KCNMA1: variants seen among roughly 807,000 people sequenced by gnomAD.
The protein encoded by KCNMA1 is Calcium-activated potassium channel subunit alpha-1.
A neutral mutation model predicts 140.0 loss-of-function variants in KCNMA1; 29 were observed. The ratio of observed to expected loss-of-function variants is 0.21; its 90% CI spans 0.15 to 0.28. The LOEUF (loss-of-function observed/expected upper bound fraction) is 0.28, where lower values mean the gene tolerates loss of function less well. Ranked by LOEUF, KCNMA1 falls within the 10% of genes least tolerant of loss-of-function variation. KCNMA1 has a pLI of 1.00. For synonymous variants in KCNMA1, 612 were observed against 611.9 expected (o/e 1.00, Z 0.00); for missense variants, 880 against 1,602.2 (o/e 0.55, Z 7.70).
chr10:77,328,851 GT>G (rs552151946), intron 2 of KCNMA1, among the ~76,000 whole-genome samples: 15 of 151,866 alleles, frequency 9.9e-5, no homozygotes, highest in African/African-American at 3.1e-4. Flanking sequence ...GTTTTATTTT[GT>G]TTTTTTAAGA....
chr10:77,215,749 T>C (rs1315832863), intron 3 of KCNMA1, among the ~76,000 whole-genome samples: 1 of 152,170 alleles, frequency 6.6e-6, no homozygotes, highest in East Asian at 1.9e-4. Context: ...TTATGGCATT[T>C]GGAGGTGGAG....
intron 2 of KCNMA1, among the ~76,000 whole-genome samples, chr10:77,403,639 T>C (rs2096360759): frequency 6.6e-6 from 1 of 152,110 alleles, no homozygotes; most frequent in Non-Finnish European, 1.5e-5. Flanking sequence ...CCAACAACCC[T>C]TCTCCACTGC....
At chr10:77,148,498 C>T (rs1459844096) in intron 5 of KCNMA1, among the ~76,000 whole-genome samples, 2 of 150,500 alleles carry the variant, frequency 1.3e-5, no homozygotes, top group Non-Finnish European at 2.9e-5. Context: ...TTCTGATGCT[C>T]AACATTAATT....
chr10:77,358,692 C>T (rs908708656), intron 2 of KCNMA1, among the ~76,000 whole-genome samples: 8 of 152,212 alleles, frequency 5.3e-5, no homozygotes, highest in African/African-American at 1.9e-4. Flanking sequence ...TCCACAAACA[C>T]CATTCAGGAT....
intron 5 of KCNMA1, among the ~76,000 whole-genome samples, chr10:77,131,502 TATG>T (rs2097856592): frequency 6.6e-6 from 1 of 152,108 alleles, no homozygotes; most frequent in Admixed American, 6.5e-5. Flanking sequence ...AACCCAGTTA[TATG>T]AAGTTCAAAA....
intron 19 of KCNMA1, among the ~76,000 whole-genome samples, chr10:76,998,837 G>A (rs1384557143): frequency 6.6e-6 from 1 of 152,182 alleles, no homozygotes; most frequent in Non-Finnish European, 1.5e-5. Context: ...TGGAGAAGAA[G>A]GGCTTATGCA....
intron 1 of KCNMA1, among the ~76,000 whole-genome samples, chr10:77,516,078 T>A (rs574960691): frequency 6.6e-6 from 1 of 152,220 alleles, no homozygotes; most frequent in East Asian, 1.9e-4. Flanking sequence ...ATGCGAAGGG[T>A]GCATAAGGCC....
chr10:77,104,265 G>A (rs1475605574), intron 9 of KCNMA1, among the ~76,000 whole-genome samples: 1 of 152,200 alleles, frequency 6.6e-6, no homozygotes, highest in Non-Finnish European at 1.5e-5. Flanking sequence ...CAGGAAGTGT[G>A]TGGCACTCCT....
intron 1 of KCNMA1, among the ~76,000 whole-genome samples, chr10:77,474,833 G>C (rs2098243169): frequency 6.6e-6 from 1 of 152,110 alleles, no homozygotes; most frequent in Non-Finnish European, 1.5e-5. Flanking sequence ...TCAGTCTTGG[G>C]AACTATTCAA....
chr10:77,539,063 G>A (rs2059575102), intron 1 of KCNMA1, among the ~76,000 whole-genome samples: 3 of 152,104 alleles, frequency 2.0e-5, no homozygotes, highest in Admixed American at 1.3e-4. Context: ...GTTGGTCCGG[G>A]AGGACCCTAG....
intron 19 of KCNMA1, among the ~76,000 whole-genome samples, chr10:76,972,093 C>G (rs1170357089): frequency 6.6e-6 from 1 of 152,146 alleles, no homozygotes; most frequent in Non-Finnish European, 1.5e-5. Context: ...ATATGGGCCA[C>G]TTGCAATTGG....
intron 9 of KCNMA1, among the ~76,000 whole-genome samples, chr10:77,099,260 T>C (rs564921872): frequency 2.2e-4 from 34 of 152,262 alleles, no homozygotes; most frequent in Non-Finnish European, 4.1e-4. Flanking sequence ...TGGTGAATCA[T>C]GTATCATGGT....
At chr10:77,245,089 A>C (rs77481312) in intron 3 of KCNMA1, among the ~76,000 whole-genome samples, 2 of 152,084 alleles carry the variant, frequency 1.3e-5, no homozygotes, top group Non-Finnish European at 1.5e-5. Context: ...AAAAAAAAAA[A>C]CAGGGAGGTG....
chr10:77,154,039 A>G (rs561706813), intron 5 of KCNMA1, among the ~76,000 whole-genome samples: 3 of 152,292 alleles, frequency 2.0e-5, no homozygotes, highest in African/African-American at 7.2e-5. Context: ...CAAGGGTGGG[A>G]CCAGGTGGAG....
chr10:77,386,500 A>G (rs1039604762), intron 2 of KCNMA1, among the ~76,000 whole-genome samples: 1 of 152,174 alleles, frequency 6.6e-6, no homozygotes, highest in East Asian at 1.9e-4. Flanking sequence ...GAAATTCTCT[A>G]TCCAGTCGTA....
At chr10:76,982,612 T>A (rs35587291) in intron 19 of KCNMA1, among the ~76,000 whole-genome samples, 2 of 152,046 alleles carry the variant, frequency 1.3e-5, no homozygotes, top group African/African-American at 2.4e-5. Flanking sequence ...GAGGGCACAG[T>A]TGGAGGTATA....
intron 5 of KCNMA1, among the ~76,000 whole-genome samples, chr10:77,123,448 T>A (rs1365306499): frequency 2.6e-5 from 4 of 152,200 alleles, no homozygotes; most frequent in Admixed American, 2.6e-4. Context: ...ATTAAATTTA[T>A]AACAGACTCT....
intron 1 of KCNMA1, chr10:77,493,916 C>G (rs1397103706): frequency 6.6e-6 from 1 of 152,194 alleles, no homozygotes; most frequent in African/African-American, 2.4e-5. Flanking sequence ...ACCCTGGAGT[C>G]TTGGTTTCCT....
At chr10:77,248,038 T>A (rs2058936269) in intron 3 of KCNMA1, among the ~76,000 whole-genome samples, 1 of 152,022 alleles carries the variant, frequency 6.6e-6, no homozygotes, top group South Asian at 2.1e-4. Flanking sequence ...TGGCCAAAAA[T>A]GAAAGGTGTG....
Sources: gnomAD v4.1 joint callset for allele counts (sites outside exome capture counted in the v4.1 genomes callset) on GRCh38, gnomAD v4.1.1 for gene constraint, MANE v1.5 for transcripts, NCBI Gene and HGNC (gene_info 2026-07-23, HGNC 2026-07-21) for gene names.